Variants in ZNF773 observed in about 807,000 individuals in gnomAD.
ZNF773 encodes the protein zinc finger protein 773, also known as zinc finger protein 419B.
In ZNF773, 11 loss-of-function variants were observed where a neutral mutation model predicts 12.8. The ratio of observed to expected loss-of-function variants is 0.86; its 90% confidence interval spans 0.54 to 1.42. The LOEUF is 1.42. Ranked by LOEUF, ZNF773 falls within the 40% of genes most tolerant of loss-of-function variation. The probability of loss-of-function intolerance (pLI) is 0.00; values close to 1 mark genes in which losing one functional copy is unlikely to be tolerated. For missense variants in ZNF773, 518 were observed against 527.2 expected (o/e 0.98, Z 0.17); for synonymous variants, 175 against 178.4 (o/e 0.98, Z 0.15).
Position 57,506,501 on chromosome 19 carries a change from A to G in ZNF773, c.406A>G (p.Arg136Gly), listed in dbSNP as rs146343876. 1 of 1,614,232 alleles carries G rather than the reference A, an allele frequency of 6.2e-7. No homozygotes were observed. The highest frequency in any genetic ancestry group is 8.5e-7 in the Non-Finnish European group (1 of 1,180,040). Residue 136 changes from arginine to glycine, a missense_variant, in exon 4 of 4, where the codon AGG becomes GGG. Physicochemically the swap from Arg to Gly is moderately radical, Grantham distance 125. Coordinates refer to ENST00000282292, the MANE Select transcript of ZNF773 (RefSeq NM_198542.3). Reference protein sequence around the residue: ...KRQEGRVPVLRSCRVHLSEKS... With the variant: ...KRQEGRVPVLGSCRVHLSEKS... ...ACAAGAGGGCAGGGTCCCAGTTTTG[A>G]GGAGTTGCAGAGTCCACCTATCAGA...
chr19:57,517,831 C>T (rs553472036), downstream of ZNF773: 3 of 152,334 alleles, frequency 2.0e-5, no homozygotes, highest in East Asian at 5.8e-4. Context: ...TAAGCAGACT[C>T]AAGTGCTTCA....
intron 1 of ZNF773, among the ~76,000 whole-genome samples, chr19:57,500,807 G>A (rs2089661096): frequency 6.6e-6 from 1 of 152,154 alleles, no homozygotes; most frequent in Admixed American, 6.5e-5. Flanking sequence ...GAGGTGTCAT[G>A]TCCACATGAG....
At chr19:57,511,365 TAAG>T (rs2089793904), downstream of ZNF773, among the ~76,000 whole-genome samples, 1 of 152,094 alleles carries the variant, frequency 6.6e-6, no homozygotes, top group African/African-American at 2.4e-5. Context: ...ATTTTATAAA[TAAG>T]AATAAATTTG....
chr19:57,508,813 C>T (rs146630845), downstream of ZNF773, among the ~76,000 whole-genome samples: 363 of 146,530 alleles, frequency 2.5e-3, 4 homozygotes, highest in African/African-American at 5.2e-3. Flanking sequence ...TGTGCTTATT[C>T]GTCACACGTA....
chr19:57,511,416 A>G (rs2089794277), downstream of ZNF773, among the ~76,000 whole-genome samples: 1 of 152,170 alleles, frequency 6.6e-6, no homozygotes. Flanking sequence ...AATGTACGGT[A>G]ATTGAGAGAG....
chr19:57,506,316 C>G, intron 3 of ZNF773, 42 bp from the exon 4 acceptor site: 1 of 1,570,940 alleles, frequency 6.4e-7, no homozygotes, highest in South Asian at 1.2e-5. Context: ...CCTTCTCACA[C>G]CAAAGACTAC....
At chr19:57,500,585 A>T (rs1600146532) in intron 1 of ZNF773, among the ~76,000 whole-genome samples, 1 of 152,008 alleles carries the variant, frequency 6.6e-6, no homozygotes, top group Admixed American at 6.6e-5. Context: ...AGAGGAGGGG[A>T]AGTGATCAGA....
Position 57,506,580 on chromosome 19 carries a change from T to G in ZNF773, c.485T>G (p.Val162Gly). 6.2e-7 allele frequency: 1 copy of G among 1,614,136 alleles called. No homozygotes were observed. The highest frequency in any genetic ancestry group is 8.5e-7 in the Non-Finnish European group (1 of 1,180,016). The change falls in exon 4 of 4, where the codon GTT (valine) becomes GGT (glycine). Residue 162 changes from valine (V) to glycine (G), a missense_variant. Coordinates refer to ENST00000282292, the MANE Select transcript of ZNF773 (RefSeq NM_198542.3). ...VGKDLLTSSGVLKHQVTHTGE... is the reference protein window; with the variant it reads ...VGKDLLTSSGGLKHQVTHTGE... ...AAGGATCTTCTGACCAGCTCAGGTGTTCTCAAGCACCAGGTGACTCACACG... is the reference window on the plus strand; with the variant it reads ...AAGGATCTTCTGACCAGCTCAGGTGGTCTCAAGCACCAGGTGACTCACACG...
In ZNF773 at chr19:57,507,429, G is replaced by T. The variant is rs571798887; in HGVS notation, c.*5G>T. On this transcript the variant is annotated 3_prime_UTR_variant, in exon 4 of 4. Coordinates refer to ENST00000282292, the MANE Select transcript of ZNF773 (RefSeq NM_198542.3). ...CACACTGGAGAAATACAATGATTGT[G>T]AGAAATCCTTTAGCTGGTGTTTCAA... 546 of 1,577,592 alleles carry T rather than the reference G, an allele frequency of 3.5e-4. 9 individuals carry two copies. In the South Asian group the frequency reaches 6.1e-3, roughly 18 times the overall value.
In ZNF773 at chr19:57,507,004, T is replaced by C; in HGVS notation, c.909T>C (p.Tyr303=). The change falls in exon 4 of 4, where the codon TAT becomes TAC. Residue 303 remains tyrosine (Y), a synonymous_variant. Transcript: ENST00000282292. ...HHRIHTGVRP[Y]ECSECGKLFS... ...GAATCCACACTGGAGTAAGGCCTTA[T>C]GAGTGCAGTGAATGTGGAAAATTGT... 6 of 1,614,218 alleles carry C rather than the reference T, an allele frequency of 3.7e-6. No individual in the cohort carries two copies. Among genetic ancestry groups the C allele is most frequent in the Non-Finnish European group, 5.1e-6 (6 of 1,180,038 alleles).
chr19:57,517,575 C>T (rs374864612), downstream of ZNF773: 4 of 152,120 alleles, frequency 2.6e-5, no homozygotes, highest in East Asian at 3.9e-4. Flanking sequence ...AAAATTAACA[C>T]CAAGATACAA....
chr19:57,511,308 C>T (rs2089793492), downstream of ZNF773, among the ~76,000 whole-genome samples: 1 of 152,136 alleles, frequency 6.6e-6, no homozygotes, highest in African/African-American at 2.4e-5. Context: ...GCCTCAGCCT[C>T]CCAAAGTGCT....
intron 3 of ZNF773, among the ~76,000 whole-genome samples, chr19:57,505,870 T>C (rs59476480): frequency 0.21 from 31,522 of 151,866 alleles, 3,383 homozygotes; most frequent in African/African-American, 0.26. Flanking sequence ...CCACCATGCC[T>C]GGCTAATTTT....
downstream of ZNF773, among the ~76,000 whole-genome samples, chr19:57,510,098 CCTTT>C (rs528703001): frequency 2.1e-3 from 320 of 152,290 alleles, 1 homozygote; most frequent in African/African-American, 7.4e-3. Context: ...AGTATACTTC[CCTTT>C]CTTTCTTGTT....
chr19:57,502,646 T>C (rs2089682885), intron 1 of ZNF773, among the ~76,000 whole-genome samples: 1 of 152,160 alleles, frequency 6.6e-6, no homozygotes, highest in African/African-American at 2.4e-5. Flanking sequence ...GAGTGGTGGC[T>C]GTGGACGTAG....
chr19:57,513,014 T>C, downstream of ZNF773: 1 of 1,556,588 alleles, frequency 6.4e-7, no homozygotes, highest in Non-Finnish European at 8.7e-7. Context: ...TTGTCCTTCT[T>C]CATTCAGTCC....
At chr19:57,513,101 G>T, downstream of ZNF773, 1 of 1,480,510 alleles carries the variant, frequency 6.8e-7, no homozygotes, top group South Asian at 1.4e-5. Flanking sequence ...AAGTGAAACT[G>T]ACCAGAAGAA....
chr19:57,510,704 G>T (rs1375209446), downstream of ZNF773, among the ~76,000 whole-genome samples: 1 of 152,004 alleles, frequency 6.6e-6, no homozygotes, highest in Non-Finnish European at 1.5e-5. Flanking sequence ...TTGGTATATA[G>T]CTGGCAAATA....
rs139485854 is a variant in ZNF773, at chr19:57,506,885, C to G, written c.790C>G (p.Gln264Glu). ...CTTTAGCCGTAATGCTGACCTCATT[C>G]AACACCAGAGAGTTCACACTGGAGA... ...KSFSRNADLI[Q>E]HQRVHTGEKP... Residue 264 changes from glutamine (Q) to glutamate (E), a missense_variant, in exon 4 of 4, where the codon CAA (glutamine) becomes GAA (glutamate). By Grantham distance (29) the Gln-to-Glu change is conservative. Transcript: ENST00000282292. The G allele has an allele frequency of 8.9e-4, 1,429 of 1,613,990 alleles. 8 individuals carry two copies. The highest frequency in any genetic ancestry group is 7.0e-3 in the African/African-American group (526 of 74,952).
Sources: gnomAD v4.1 joint callset for allele counts (sites outside exome capture counted in the v4.1 genomes callset) on GRCh38, gnomAD v4.1.1 for gene constraint, MANE v1.5 for transcripts, NCBI Gene and HGNC (gene_info 2026-07-23, HGNC 2026-07-21) for gene names.